SDK1: variants seen among roughly 807,000 people sequenced by gnomAD.
SDK1 encodes the protein protein sidekick-1.
A neutral mutation model predicts 245.5 loss-of-function variants in SDK1; 157 were observed. That is an observed-to-expected ratio of 0.64 (90% CI 0.56 to 0.73). The LOEUF (loss-of-function observed/expected upper bound fraction) is 0.73, where lower values mean the gene tolerates loss of function less well. Ranked by LOEUF, SDK1 falls within the 30% of genes least tolerant of loss-of-function variation. SDK1 has a pLI of 0.00. For missense variants in SDK1, 3,583 were observed against 3,002.3 expected (o/e 1.19, Z -4.52); for synonymous variants, 1,647 against 1,278.5 (o/e 1.29, Z -6.15).
At chr7:4,230,190 G>A (rs894008611) in intron 40 of SDK1, among the ~76,000 whole-genome samples, 8 of 149,446 alleles carry the variant, frequency 5.4e-5, no homozygotes, top group African/African-American at 2.0e-4. Context: ...TGGGTGGATT[G>A]ATGGGTAGGT....
chr7:4,114,505 G>C (rs572714378), intron 25 of SDK1, among the ~76,000 whole-genome samples: 1 of 152,152 alleles, frequency 6.6e-6, no homozygotes, highest in African/African-American at 2.4e-5. Flanking sequence ...ACAGGGGATC[G>C]ACTCACATTA....
At chr7:4,045,592 C>T (rs1788962857) in intron 17 of SDK1, among the ~76,000 whole-genome samples, 1 of 152,114 alleles carries the variant, frequency 6.6e-6, no homozygotes, top group Non-Finnish European at 1.5e-5. Flanking sequence ...TGCACAGTTA[C>T]CCGGGGGCAG....
At chr7:3,989,478 C>G (rs764120028) in intron 14 of SDK1, among the ~76,000 whole-genome samples, 15 of 152,142 alleles carry the variant, frequency 9.9e-5, no homozygotes, top group Non-Finnish European at 1.9e-4. Flanking sequence ...ATGAGGGTCT[C>G]CTTCCCTGAG....
At chr7:3,586,777 A>C (rs1160022678) in intron 1 of SDK1, among the ~76,000 whole-genome samples, 2 of 151,834 alleles carry the variant, frequency 1.3e-5, no homozygotes, top group African/African-American at 4.8e-5. Context: ...AGTAGCCTTA[A>C]CTGTCATCTG....
chr7:3,383,763 T>C lies in SDK1; in HGVS notation c.298+81879T>C, dbSNP rs538445866. Among the ~76,000 whole-genome samples the C allele has an allele frequency of 4.1e-3, 632 of 152,320 alleles. 8 individuals are homozygous for C. The highest frequency in any genetic ancestry group is 0.018 in the South Asian group (85 of 4,822). ...ATGATTATCAAACATCTTTGATGCATAGAGCCTATTAAATGCCAGTATCAT... is the reference window on the plus strand; with the variant it reads ...ATGATTATCAAACATCTTTGATGCACAGAGCCTATTAAATGCCAGTATCAT... On this transcript the variant is annotated intron_variant, in intron 1 of 44. Coordinates refer to ENST00000404826, the MANE Select transcript of SDK1 (RefSeq NM_152744.4).
At chr7:3,525,380 C>A (rs2128616101) in intron 1 of SDK1, among the ~76,000 whole-genome samples, 1 of 152,168 alleles carries the variant, frequency 6.6e-6, no homozygotes, top group African/African-American at 2.4e-5. Context: ...ACGGAAAATC[C>A]TCCTTGCTCC....
intron 2 of SDK1, among the ~76,000 whole-genome samples, chr7:3,634,882 A>G (rs976334092): frequency 2.6e-5 from 4 of 152,222 alleles, no homozygotes; most frequent in Non-Finnish European, 5.9e-5. Context: ...GAGGATTACT[A>G]TAGAAATTCA....
intron 3 of SDK1, among the ~76,000 whole-genome samples, chr7:3,640,833 A>G (rs1017671569): frequency 6.6e-6 from 1 of 151,916 alleles, no homozygotes; most frequent in Non-Finnish European, 1.5e-5. Context: ...ACAGGCACCC[A>G]CCACCACACC....
Position 3,821,459 on chromosome 7 carries a change from A to T in SDK1, c.723A>T (p.Thr241=). 1.9e-6 allele frequency: 3 copies of T among 1,613,508 alleles called. No homozygotes were observed. Among genetic ancestry groups the T allele is most frequent in the Non-Finnish European group, 2.5e-6 (3 of 1,179,758 alleles). ...TTCTTTTCTGAAACAGAGCCATCAC[A>T]TTGGAGAATCAGCTGGTGATCCTCG... ...KIIPSNRIAI[T]LENQLVILAT... The change falls in exon 5 of 45, where the codon ACA becomes ACT. Residue 241 remains threonine, a synonymous_variant. Coordinates refer to ENST00000404826, the MANE Select transcript of SDK1 (RefSeq NM_152744.4).
Position 3,713,511 on chromosome 7 carries a change from C to G in SDK1, c.713+71406C>G, listed in dbSNP as rs551284468. Among the ~76,000 whole-genome samples the G allele has an allele frequency of 2.6e-5, 4 of 152,276 alleles. No homozygotes were observed. In the South Asian group the frequency reaches 8.3e-4, roughly 32 times the overall value. On this transcript the variant is annotated intron_variant, in intron 4 of 44. Coordinates refer to ENST00000404826, the MANE Select transcript of SDK1 (RefSeq NM_152744.4). ...TTGAGTGTCTTAGATATGTCTCTCC[C>G]CCACCCGCAGCACTGGCTTTTCTGT...
intron 5 of SDK1, among the ~76,000 whole-genome samples, chr7:3,941,102 A>G (rs1340371574): frequency 6.6e-6 from 1 of 151,974 alleles, no homozygotes; most frequent in African/African-American, 2.4e-5. Context: ...TAAGCTGCCC[A>G]GCCACCCACC....
At chr7:4,058,629 C>G (rs886614279) in intron 19 of SDK1, among the ~76,000 whole-genome samples, 3 of 152,072 alleles carry the variant, frequency 2.0e-5, no homozygotes, top group African/African-American at 7.2e-5. Flanking sequence ...TAAGAGAACC[C>G]CCATCAGACT....
chr7:4,128,468 C>T (rs1404447967), intron 26 of SDK1, among the ~76,000 whole-genome samples: 2 of 152,262 alleles, frequency 1.3e-5, no homozygotes, highest in Admixed American at 6.5e-5. Context: ...CCTTTATGGC[C>T]TTCCAGGTCC....
Position 3,471,478 on chromosome 7 carries a change from T to C in SDK1, c.299-147602T>C, listed in dbSNP as rs535112639. On this transcript the variant is annotated intron_variant, in intron 1 of 44. Transcript: ENST00000404826. ...TTTTAATATGTGTTAATCCTCAAAC[T>C]ACAGGTACTTAAAACCTTGCTAATT... 5.3e-5 allele frequency among the ~76,000 whole-genome samples: 8 copies of C among 152,302 alleles called. No homozygotes were observed. The South Asian group carries it at 1.4e-3, about 28-fold the overall frequency.
intron 5 of SDK1, among the ~76,000 whole-genome samples, chr7:3,874,812 C>G (rs1338294817): frequency 6.6e-6 from 1 of 152,090 alleles, no homozygotes; most frequent in East Asian, 1.9e-4. Context: ...AGTTTTTTGT[C>G]CTTCACCCTA....
chr7:3,933,280 TA>T (rs544883651), intron 5 of SDK1, among the ~76,000 whole-genome samples: 2 of 151,660 alleles, frequency 1.3e-5, no homozygotes, highest in Non-Finnish European at 2.9e-5. Context: ...CCAGCTAATT[TA>T]AAAAAAATGT....
Position 3,850,600 on chromosome 7 carries a change from A to G in SDK1, c.847+29017A>G, listed in dbSNP as rs556185759. Among the ~76,000 whole-genome samples, 27 of 152,316 alleles carry G rather than the reference A, an allele frequency of 1.8e-4. No individual in the cohort carries two copies. In the South Asian group the frequency reaches 5.0e-3, roughly 28 times the overall value. On this transcript the variant is annotated intron_variant, in intron 5 of 44. Coordinates refer to ENST00000404826, the MANE Select transcript of SDK1 (RefSeq NM_152744.4). The stretch of plus-strand genomic sequence containing the variant: ...CTATTCACAATAGCAAAGACTTGGA[A>G]CCAACCCAAATGTCCATCAGTGATA...
intron 42 of SDK1, among the ~76,000 whole-genome samples, chr7:4,241,473 AAAAC>A (rs1277504265): frequency 3.9e-5 from 6 of 152,230 alleles, no homozygotes; most frequent in East Asian, 1.9e-4. Context: ...CATCTCTACC[AAAAC>A]AAACAAACAA....
At chr7:3,436,641 T>C (rs992655730) in intron 1 of SDK1, among the ~76,000 whole-genome samples, 2 of 152,224 alleles carry the variant, frequency 1.3e-5, no homozygotes, top group African/African-American at 2.4e-5. Context: ...TGTTCTTGGC[T>C]ATGAACCATG....
Sources: gnomAD v4.1 joint callset for allele counts (sites outside exome capture counted in the v4.1 genomes callset) on GRCh38, gnomAD v4.1.1 for gene constraint, MANE v1.5 for transcripts, NCBI Gene and HGNC (gene_info 2026-07-23, HGNC 2026-07-21) for gene names.